Variants in ERBB4 observed in about 807,000 individuals in gnomAD.
The protein encoded by ERBB4 is receptor tyrosine-protein kinase erbB-4.
ERBB4 carries 42 observed loss-of-function variants against 158.0 expected under a neutral mutation model. The observed-to-expected ratio is 0.27, with a 90% CI of 0.21 to 0.34. The LOEUF is 0.34. ERBB4 is among the 10% of genes least tolerant of loss of function. ERBB4 has a pLI of 1.00. For missense variants in ERBB4, 1,333 were observed against 1,624.1 expected (o/e 0.82, Z 3.08); for synonymous variants, 583 against 558.7 (o/e 1.04, Z -0.61).
chr2:212,384,346 T>A (rs2090604902), intron 1 of ERBB4, among the ~76,000 whole-genome samples: 1 of 151,658 alleles, frequency 6.6e-6, no homozygotes, highest in South Asian at 2.1e-4. Context: ...TCCAGCATCT[T>A]ACCCAGAGCA....
chr2:212,446,879 T>C (rs1452685706), intron 1 of ERBB4, among the ~76,000 whole-genome samples: 1 of 150,970 alleles, frequency 6.6e-6, no homozygotes, highest in African/African-American at 2.4e-5. Context: ...ATGATTGTAT[T>C]CAATATATTT....
At chr2:211,784,694 G>A (rs2076114836) in intron 4 of ERBB4, among the ~76,000 whole-genome samples, 1 of 151,758 alleles carries the variant, frequency 6.6e-6, no homozygotes, top group African/African-American at 2.4e-5. Context: ...TTCCATAGTG[G>A]TCACACCATT....
chr2:212,134,829 G>A (rs1055385060), intron 1 of ERBB4, among the ~76,000 whole-genome samples: 40 of 151,830 alleles, frequency 2.6e-4, no homozygotes, highest in Admixed American at 4.6e-4. Flanking sequence ...GACTACAGGC[G>A]CCCGCCACCA....
chr2:211,674,164 AT>A (rs1270645528), intron 13 of ERBB4, among the ~76,000 whole-genome samples: 9 of 152,150 alleles, frequency 5.9e-5, no homozygotes. Flanking sequence ...AGTACAGACA[AT>A]TTAAAATGCC....
intron 20 of ERBB4, among the ~76,000 whole-genome samples, chr2:211,554,582 C>A (rs576348637): frequency 2.6e-5 from 4 of 152,328 alleles, no homozygotes; most frequent in Admixed American, 1.3e-4. Context: ...CTGTAGACAC[C>A]ACAGGTACTG....
At chr2:211,998,405 C>G (rs1390890131) in intron 2 of ERBB4, among the ~76,000 whole-genome samples, 1 of 151,442 alleles carries the variant, frequency 6.6e-6, no homozygotes, top group Non-Finnish European at 1.5e-5. Context: ...CTTACTTGGT[C>G]CTTATCACAG....
intron 19 of ERBB4, among the ~76,000 whole-genome samples, chr2:211,585,562 G>T (rs1361783721): frequency 6.6e-6 from 1 of 151,914 alleles, no homozygotes; most frequent in Non-Finnish European, 1.5e-5. Flanking sequence ...AATTATACAT[G>T]TTTAAAAATT....
intron 2 of ERBB4, among the ~76,000 whole-genome samples, chr2:211,988,440 T>C (rs1199543124): frequency 1.3e-5 from 2 of 152,148 alleles, no homozygotes; most frequent in Non-Finnish European, 2.9e-5. Context: ...GTCTGTTATA[T>C]AGTAAGTGTT....
chr2:211,722,694 C>G (rs1376794378), intron 6 of ERBB4, among the ~76,000 whole-genome samples, 160 bp from the exon 7 acceptor site: 2 of 152,140 alleles, frequency 1.3e-5, no homozygotes, highest in Non-Finnish European at 2.9e-5. Context: ...TTTCATAAAA[C>G]TCTTTTTTCC....
intron 2 of ERBB4, among the ~76,000 whole-genome samples, chr2:212,109,862 A>T (rs77011147): frequency 2.6e-5 from 4 of 152,334 alleles, no homozygotes; most frequent in African/African-American, 9.6e-5. Context: ...TGAGGATAGC[A>T]TAAATTCTAC....
intron 25 of ERBB4, among the ~76,000 whole-genome samples, chr2:211,417,599 A>C (rs911418682): frequency 1.3e-5 from 2 of 152,230 alleles, no homozygotes; most frequent in African/African-American, 2.4e-5. Context: ...GACAAATATA[A>C]ACATTGTATT....
At chr2:211,453,488 C>G (rs1476193393) in intron 20 of ERBB4, among the ~76,000 whole-genome samples, 1 of 152,034 alleles carries the variant, frequency 6.6e-6, no homozygotes, top group African/African-American at 2.4e-5. Flanking sequence ...AATGAATTAT[C>G]ATTTTAAAAA....
intron 2 of ERBB4, among the ~76,000 whole-genome samples, chr2:212,046,849 T>A (rs553366078): frequency 6.6e-6 from 1 of 152,320 alleles, no homozygotes; most frequent in South Asian, 2.1e-4. Context: ...CAAGGTAAAT[T>A]AATGGCCCAA....
In ERBB4 at chr2:212,136,238, A is replaced by G. The variant is rs1176676293; in HGVS notation, c.83-11335T>C. Among the ~76,000 whole-genome samples, 9 of 152,348 alleles carry G rather than the reference A, an allele frequency of 5.9e-5. No individual in the cohort carries two copies. The South Asian group carries it at 1.7e-3, about 28-fold the overall frequency. Reference sequence around the variant, plus strand: ...AGGTGGATTTCTTAAGCATTGATAAAGATGTGCACATTAAGAAATGGACTA... The same window carrying G: ...AGGTGGATTTCTTAAGCATTGATAAGGATGTGCACATTAAGAAATGGACTA... On this transcript the variant is annotated intron_variant, in intron 1 of 27. Transcript: ENST00000342788.
intron 3 of ERBB4, among the ~76,000 whole-genome samples, chr2:211,936,849 G>GGTA (rs2080337974): frequency 6.6e-6 from 1 of 152,080 alleles, no homozygotes; most frequent in Non-Finnish European, 1.5e-5. Flanking sequence ...ATGCCAAAAA[G>GGTA]TGTTGGGCCA....
intron 1 of ERBB4, among the ~76,000 whole-genome samples, chr2:212,338,062 T>C (rs1439066381): frequency 1.3e-5 from 2 of 152,056 alleles, no homozygotes; most frequent in Non-Finnish European, 2.9e-5. Flanking sequence ...TGATCTTGAA[T>C]CCCAATCCAG....
chr2:211,901,380 T>C (rs2125032489), intron 3 of ERBB4, among the ~76,000 whole-genome samples: 1 of 152,302 alleles, frequency 6.6e-6, no homozygotes, highest in South Asian at 2.1e-4. Flanking sequence ...TCTGGAAGCA[T>C]GACAGGTGCA....
chr2:211,900,643 A>G (rs1453311847), intron 3 of ERBB4, among the ~76,000 whole-genome samples: 1 of 152,108 alleles, frequency 6.6e-6, no homozygotes, highest in Non-Finnish European at 1.5e-5. Flanking sequence ...TATGAGAGAT[A>G]ATTTTATTTT....
chr2:212,257,909 C>T (rs1055549303), intron 1 of ERBB4, among the ~76,000 whole-genome samples: 5 of 152,022 alleles, frequency 3.3e-5, no homozygotes, highest in South Asian at 2.1e-4. Context: ...TCAATAAAAA[C>T]GGTCCCCAAT....
Sources: allele counts gnomAD v4.1 joint callset (sites outside exome capture counted in the v4.1 genomes callset), GRCh38; gene constraint gnomAD v4.1.1; transcripts MANE v1.5; gene names NCBI Gene and HGNC (gene_info 2026-07-23, HGNC 2026-07-21).